DNM3: variants seen among roughly 807,000 people sequenced by gnomAD.
The protein encoded by DNM3 is dynamin 3.
DNM3 carries 47 observed loss-of-function variants against 101.6 expected under a neutral mutation model. The observed-to-expected ratio is 0.46, with a 90% CI of 0.37 to 0.59. The LOEUF (loss-of-function observed/expected upper bound fraction) is 0.59. Ranked by LOEUF, DNM3 falls within the 20% of genes least tolerant of loss-of-function variation. The pLI is 0.00. For synonymous variants in DNM3, 385 were observed against 387.9 expected, an observed-to-expected ratio of 0.99 and a Z score of 0.09; for missense variants, 849 against 1,085.7, an observed-to-expected ratio of 0.78 and a Z score of 3.06.
intron 7 of DNM3, among the ~76,000 whole-genome samples, chr1:172,041,451 A>G (rs2049379890): frequency 6.6e-6 from 1 of 152,174 alleles, no homozygotes; most frequent in African/African-American, 2.4e-5. Flanking sequence ...CTAAGAGGAA[A>G]TAAACATCCA....
rs1255498447 is a variant in DNM3, at chr1:172,411,927, T to C, written c.*4086T>C. 1.2e-5 allele frequency: 12 copies of C among 985,650 alleles called. No homozygotes were observed. The highest frequency in any genetic ancestry group is 1.4e-5 in the Non-Finnish European group (12 of 829,862). 61.1% of individuals were successfully genotyped at this position (985,650 alleles called of 1,614,324 possible). On this transcript the variant is annotated 3_prime_UTR_variant, in exon 21 of 21. Transcript: ENST00000627582. ...GTACATTCTAAAAAGCTCAAATGAG[T>C]CTTCTAGATACTCTTACTCATCCTG...
intron 11 of DNM3, among the ~76,000 whole-genome samples, chr1:172,072,818 C>A (rs12117698): frequency 0.076 from 11,603 of 152,102 alleles, 692 homozygotes; most frequent in East Asian, 0.22. Context: ...ACCCAGGAGG[C>A]GGAGGTTGCA....
rs189487584 is a variant in DNM3, at chr1:172,172,081, G to A, written c.1659+40793G>A. ...ACAGGGTGCTGTGAGAAGAATGATG[G>A]GAAACAACCCTCTGGGATGTAACAG... On this transcript the variant is annotated intron_variant, in intron 14 of 20. Transcript: ENST00000627582. Among the ~76,000 whole-genome samples the A allele has an allele frequency of 5.9e-5, 9 of 151,568 alleles. No homozygotes were observed. In the East Asian group the frequency reaches 1.8e-3, roughly 30 times the overall value.
intron 12 of DNM3, 31 bp from the exon 13 acceptor site, chr1:172,092,793 C>T: frequency 1.9e-6 from 3 of 1,541,960 alleles, no homozygotes; most frequent in East Asian, 2.4e-5. Flanking sequence ...ATATGTGTCT[C>T]TTCAGTGCTG....
In DNM3 at chr1:172,133,819, C is replaced by G. The variant is rs560622322; in HGVS notation, c.1659+2531C>G. On this transcript the variant is annotated intron_variant, in intron 14 of 20. Transcript: ENST00000627582. ...GTATAAAAACCCTGGAGATGGGATC[C>G]AACAGGAAGTCTGTGGCTGTAACAT... is the stretch of plus-strand genomic sequence containing the variant. 3.3e-5 allele frequency among the ~76,000 whole-genome samples: 5 copies of G among 152,170 alleles called. No individual in the cohort carries two copies. The South Asian group carries it at 8.3e-4, about 25-fold the overall frequency.
At chr1:172,127,549 A>G (rs1034611552) in intron 13 of DNM3, among the ~76,000 whole-genome samples, 3 of 151,532 alleles carry the variant, frequency 2.0e-5, no homozygotes, top group African/African-American at 7.3e-5. Context: ...GCTTGGGACT[A>G]CAGGCACCCG....
chr1:171,911,502 C>G (rs189480650), intron 1 of DNM3, among the ~76,000 whole-genome samples: 1 of 152,214 alleles, frequency 6.6e-6, no homozygotes, highest in Admixed American at 6.5e-5. Context: ...AAGCTGGTCT[C>G]GAACTCCCAA....
At chr1:171,950,239 G>C (rs1017362348) in intron 2 of DNM3, among the ~76,000 whole-genome samples, 5 of 152,190 alleles carry the variant, frequency 3.3e-5, no homozygotes, top group African/African-American at 1.2e-4. Context: ...TGATTCTGCA[G>C]ATGGTCTCCA....
rs183953800 is a variant in DNM3 at position 172,077,554 on chromosome 1, C to T, written c.1423-4278C>T. ...TTGCAAAGAACTTATTTATTTCTGC[C>T]TTAATTTCATTATTTACTCAGTGGT... On this transcript the variant is annotated intron_variant, in intron 11 of 20. Transcript: ENST00000627582. 5.3e-3 allele frequency among the ~76,000 whole-genome samples: 805 copies of T among 152,226 alleles called. 5 individuals are homozygous for T. Among genetic ancestry groups the T allele is most frequent in the African/African-American group, 0.018 (741 of 41,534 alleles).
At chr1:172,379,274 G>C in intron 18 of DNM3, 92 bp downstream of exon 18, 1 of 1,122,314 alleles carries the variant, frequency 8.9e-7, no homozygotes, top group Non-Finnish European at 1.3e-6. Flanking sequence ...TGTATTTTCT[G>C]GATAGTTCAA....
Position 171,891,213 on chromosome 1 carries a change from T to C in DNM3, c.162-30535T>C, listed in dbSNP as rs577765346. ...GTGATGCAAATTACGGCATTAGAGA[T>C]GGGGCTGCAGGTATAGATTTGGCAG... is the stretch of plus-strand genomic sequence containing the variant. On this transcript the variant is annotated intron_variant, in intron 1 of 20. Coordinates refer to ENST00000627582, the MANE Select transcript of DNM3 (RefSeq NM_015569.5). 2.0e-5 allele frequency among the ~76,000 whole-genome samples: 3 copies of C among 152,234 alleles called. No homozygotes were observed. In the South Asian group the frequency reaches 6.2e-4, roughly 32 times the overall value.
At chr1:172,370,112 G>C (rs2068245763) in intron 17 of DNM3, 1 of 151,740 alleles carries the variant, frequency 6.6e-6, no homozygotes, top group Non-Finnish European at 1.5e-5. Flanking sequence ...ATTTTGTGGG[G>C]GACACAACTC....
chr1:172,192,562 T>G (rs2148445694), intron 14 of DNM3, among the ~76,000 whole-genome samples: 1 of 130,616 alleles, frequency 7.7e-6, no homozygotes, highest in South Asian at 2.5e-4. Flanking sequence ...GAGTGTGATG[T>G]TCCCCTTCCT....
At chr1:172,264,315 C>T (rs1017770759) in intron 15 of DNM3, among the ~76,000 whole-genome samples, 3 of 152,098 alleles carry the variant, frequency 2.0e-5, no homozygotes, top group Non-Finnish European at 4.4e-5. Flanking sequence ...CTGGACTTAC[C>T]CATGTCAGTT....
intron 1 of DNM3, among the ~76,000 whole-genome samples, chr1:171,903,165 T>A (rs1170432789): frequency 6.6e-6 from 1 of 151,506 alleles, no homozygotes; most frequent in Non-Finnish European, 1.5e-5. Context: ...AAAAAATATA[T>A]ATAAATAAAT....
rs1470249303 is a variant in DNM3 at position 172,050,781 on chromosome 1, C to T, written c.1335+2031C>T. ...AGATGCATAACTCCAATCAGCAGAT[C>T]CATATGCAGAGAACAGATCTTGGCC... On this transcript the variant is annotated intron_variant, in intron 10 of 20. Coordinates refer to ENST00000627582, the MANE Select transcript of DNM3 (RefSeq NM_015569.5). 3.9e-5 allele frequency among the ~76,000 whole-genome samples: 6 copies of T among 152,286 alleles called. No individual in the cohort carries two copies. The East Asian group carries it at 9.6e-4, about 24-fold the overall frequency.
chr1:172,258,704 A>C (rs1218730150), intron 15 of DNM3, among the ~76,000 whole-genome samples: 1 of 151,906 alleles, frequency 6.6e-6, no homozygotes, highest in Non-Finnish European at 1.5e-5. Context: ...GCAACTTTTC[A>C]TTTGGTGATC....
In DNM3 at chr1:171,992,493, T is replaced by TA. The variant is rs949685949; in HGVS notation, c.589+3354dup. 2.6e-4 allele frequency among the ~76,000 whole-genome samples: 40 copies of TA among 151,712 alleles called. No individual in the cohort carries two copies. The South Asian group carries it at 3.5e-3, about 13-fold the overall frequency. On this transcript the variant is annotated intron_variant, in intron 4 of 20. Coordinates refer to ENST00000627582, the MANE Select transcript of DNM3 (RefSeq NM_015569.5). ...TCTACTCCAGAAAGTTAAATGAGAT[T>TA]AAAAAAAAACTATCATAGGCTTGGC...
At chr1:172,170,337 C>T (rs527622296) in intron 14 of DNM3, among the ~76,000 whole-genome samples, 45 of 151,878 alleles carry the variant, frequency 3.0e-4, no homozygotes, top group African/African-American at 1.1e-3. Flanking sequence ...GGAGAAGCTG[C>T]TATGTGAACA....
Sources: gnomAD v4.1 joint callset for allele counts (sites outside exome capture counted in the v4.1 genomes callset) on GRCh38, gnomAD v4.1.1 for gene constraint, MANE v1.5 for transcripts, NCBI Gene and HGNC (gene_info 2026-07-23, HGNC 2026-07-21) for gene names.